LRRC8D: variants seen among roughly 807,000 people sequenced by gnomAD.
LRRC8D encodes the protein leucine rich repeat containing 8 VRAC subunit D, also known as volume-regulated anion channel subunit LRRC8D.
In LRRC8D, 20 loss-of-function variants were observed where a neutral mutation model predicts 55.8. The ratio of observed to expected loss-of-function variants is 0.36; its 90% CI spans 0.25 to 0.52. The LOEUF (loss-of-function observed/expected upper bound fraction) is 0.52, where lower values mean the gene tolerates loss of function less well. LRRC8D is among the 20% of genes least tolerant of loss of function. The pLI, the probability that LRRC8D is intolerant of heterozygous loss-of-function variation, is 0.93. For synonymous variants in LRRC8D, 352 were observed against 377.0 expected, an observed-to-expected ratio of 0.93 and a Z score of 0.77; for missense variants, 651 against 1,030.8, an observed-to-expected ratio of 0.63 and a Z score of 5.05.
chr1:89,886,251 C>A (rs1054458626), intron 2 of LRRC8D, among the ~76,000 whole-genome samples: 1 of 152,168 alleles, frequency 6.6e-6, no homozygotes, highest in Non-Finnish European at 1.5e-5. Context: ...GTGAGAGACT[C>A]TTCTCAAGTC....
chr1:89,905,651 C>G (rs1211494888), intron 2 of LRRC8D, among the ~76,000 whole-genome samples: 1 of 152,144 alleles, frequency 6.6e-6, no homozygotes, highest in Non-Finnish European at 1.5e-5. Context: ...GCCAAGTAGG[C>G]CTCCAGAAAT....
chr1:89,885,156 C>G lies in LRRC8D; in HGVS notation c.-3+41374C>G, dbSNP rs76823404. ...CTACACTCCCTTTAAATTTTGATAT[C>G]CTCTGAAATCTGGCAAAATCTTACC... On this transcript the variant is annotated intron_variant, in intron 2 of 2. Coordinates refer to ENST00000337338, the MANE Select transcript of LRRC8D (RefSeq NM_001134479.2). 1.1e-3 allele frequency among the ~76,000 whole-genome samples: 166 copies of G among 152,290 alleles called. 6 individuals carry two copies. The East Asian group carries it at 0.03, about 28-fold the overall frequency.
At chr1:89,896,032 G>A (rs985616838) in intron 2 of LRRC8D, among the ~76,000 whole-genome samples, 2 of 152,216 alleles carry the variant, frequency 1.3e-5, no homozygotes, top group Admixed American at 1.3e-4. Flanking sequence ...ATAATGTAAT[G>A]TCCACAAATA....
intron 1 of LRRC8D, among the ~76,000 whole-genome samples, chr1:89,833,106 TCA>T (rs1457280406): frequency 6.6e-6 from 1 of 152,240 alleles, no homozygotes; most frequent in African/African-American, 2.4e-5. Flanking sequence ...TTGAACTCTC[TCA>T]CAACAACGAC....
chr1:89,935,616 A>G lies in LRRC8D; in HGVS notation c.2548A>G (p.Ile850Val). 6.2e-7 allele frequency: 1 copy of G among 1,614,076 alleles called. No individual in the cohort carries two copies. The highest frequency in any genetic ancestry group is 8.5e-7 in the Non-Finnish European group (1 of 1,179,982). The change falls in exon 3 of 3, where the codon ATA becomes GTA. Residue 850 changes from isoleucine to valine, a missense_variant. Physicochemically the swap from Ile to Val is conservative, Grantham distance 29. This residue lies in a region of LRRC8D where 338 missense variants were observed against 479.4 expected (regional missense o/e 0.71). Transcript: ENST00000337338. ...AGTCAAAGAGGCATTGAATCAAGACATAAATATTCCCTTTGCAAATGGGAT... is the reference window on the plus strand; with the variant it reads ...AGTCAAAGAGGCATTGAATCAAGACGTAAATATTCCCTTTGCAAATGGGAT... ...LEVKEALNQD[I>V]NIPFANGI
At chr1:89,853,092 A>G (rs937323865) in intron 2 of LRRC8D, among the ~76,000 whole-genome samples, 1 of 152,214 alleles carries the variant, frequency 6.6e-6, no homozygotes, top group Admixed American at 6.5e-5. Flanking sequence ...GAGGACCCAA[A>G]CTAAGGTGAT....
intron 2 of LRRC8D, among the ~76,000 whole-genome samples, chr1:89,919,975 G>T (rs937214757): frequency 3.9e-5 from 6 of 152,156 alleles, no homozygotes; most frequent in African/African-American, 1.4e-4. Flanking sequence ...GGGAATGCTG[G>T]TGATAGCTTG....
chr1:89,868,511 A>G (rs1443039954), intron 2 of LRRC8D, among the ~76,000 whole-genome samples: 1 of 152,170 alleles, frequency 6.6e-6, no homozygotes, highest in African/African-American at 2.4e-5. Context: ...TTATGTAAAT[A>G]TACCTCAGCA....
At chr1:89,876,143 G>A (rs550558754) in intron 2 of LRRC8D, among the ~76,000 whole-genome samples, 3 of 152,160 alleles carry the variant, frequency 2.0e-5, no homozygotes, top group East Asian at 1.9e-4. Flanking sequence ...TGGAAGCTTC[G>A]TCTGCTCTGC....
intron 2 of LRRC8D, among the ~76,000 whole-genome samples, chr1:89,860,115 G>C (rs536876937): frequency 1.2e-4 from 19 of 152,308 alleles, no homozygotes; most frequent in African/African-American, 4.6e-4. Flanking sequence ...TGGTTAATGA[G>C]CCTTTTATTA....
In LRRC8D at chr1:89,881,222, A is replaced by G. The variant is rs532297710; in HGVS notation, c.-3+37440A>G. The stretch of plus-strand genomic sequence containing the variant: ...TTGGACATTTTTCATCCAGTCATCT[A>G]TTCAGCCAACAGGAAGGCTGGTAAA... On this transcript the variant is annotated intron_variant, in intron 2 of 2. Coordinates refer to ENST00000337338, the MANE Select transcript of LRRC8D (RefSeq NM_001134479.2). 5.3e-5 allele frequency among the ~76,000 whole-genome samples: 8 copies of G among 152,270 alleles called. No homozygotes were observed. In the South Asian group the frequency reaches 1.2e-3, roughly 24 times the overall value.
chr1:89,934,522 C>T lies in LRRC8D; in HGVS notation c.1454C>T (p.Ala485Val). ...TTCATGCTGTCGGGGGTGCCCGATG[C>T]TGTCTTTGACCTCACAGACCTGGAT... ...HLFMLSGVPD[A>V]VFDLTDLDVL... The change falls in exon 3 of 3, where the codon GCT becomes GTT. Residue 485 changes from alanine (A) to valine (V), a missense_variant. Coordinates refer to ENST00000337338, the MANE Select transcript of LRRC8D (RefSeq NM_001134479.2). This position sits in a 1 kb window ranked among gnomAD's most constrained non-coding sequence, Gnocchi z 5.9. 2 of 1,614,230 alleles carry T rather than the reference C, an allele frequency of 1.2e-6. No individual in the cohort carries two copies. The highest frequency in any genetic ancestry group is 1.7e-6 in the Non-Finnish European group (2 of 1,180,034).
intron 2 of LRRC8D, among the ~76,000 whole-genome samples, chr1:89,874,331 C>G (rs1373382112): frequency 6.6e-6 from 1 of 152,116 alleles, no homozygotes; most frequent in Non-Finnish European, 1.5e-5. Context: ...AACTAGTTCT[C>G]TAACTTCTTT....
chr1:89,909,882 A>C (rs1278805643), intron 2 of LRRC8D, among the ~76,000 whole-genome samples: 1 of 151,760 alleles, frequency 6.6e-6, no homozygotes, highest in African/African-American at 2.4e-5. Context: ...AAAAAAAAAA[A>C]AGAATTCAGT....
chr1:89,830,903 CTT>C (rs1178734654), intron 1 of LRRC8D, among the ~76,000 whole-genome samples: 11 of 135,766 alleles, frequency 8.1e-5, no homozygotes, highest in South Asian at 2.4e-4. Flanking sequence ...GCACAATACA[CTT>C]TTTTTTTTTT....
chr1:89,849,177 GT>G (rs1330931290), intron 2 of LRRC8D, among the ~76,000 whole-genome samples: 4 of 152,154 alleles, frequency 2.6e-5, no homozygotes, highest in Non-Finnish European at 5.9e-5. Context: ...ATCATGGTTT[GT>G]TTAGTCTTAC....
chr1:89,843,605 C>T (rs543913304), intron 1 of LRRC8D, 33 bp from the exon 2 acceptor site: 249 of 700,380 alleles, frequency 3.6e-4, no homozygotes, highest in Non-Finnish European at 4.7e-4. Context: ...TTGGATCTCT[C>T]TAGCTCTTTC....
chr1:89,877,475 A>G (rs1428366611), intron 2 of LRRC8D, among the ~76,000 whole-genome samples: 5 of 152,194 alleles, frequency 3.3e-5, no homozygotes, highest in East Asian at 1.9e-4. Flanking sequence ...AATTATTGTT[A>G]TTATTATTTC....
At chr1:89,927,894 G>T (rs1663608603) in intron 2 of LRRC8D, among the ~76,000 whole-genome samples, 1 of 152,190 alleles carries the variant, frequency 6.6e-6, no homozygotes, top group Non-Finnish European at 1.5e-5. Flanking sequence ...TTGCCACGTG[G>T]AAGGAAAATG....
Sources: allele counts gnomAD v4.1 joint callset (sites outside exome capture counted in the v4.1 genomes callset), GRCh38; gene constraint gnomAD v4.1.1; regional missense constraint gnomAD v4.1.1; non-coding constraint Gnocchi (gnomAD v3.1); transcripts MANE v1.5; gene names NCBI Gene and HGNC (gene_info 2026-07-23, HGNC 2026-07-21).